NELL2: variants seen among roughly 807,000 people sequenced by gnomAD.
The protein encoded by NELL2 is protein kinase C-binding protein NELL2.
A neutral mutation model predicts 109.6 loss-of-function variants in NELL2; 41 were observed. That is an observed-to-expected ratio of 0.37 (90% CI 0.29 to 0.49). NELL2 has a LOEUF of 0.49. Among genes scored for constraint, NELL2 ranks in the 20% least tolerant of loss-of-function variants. The pLI, the probability that NELL2 is intolerant of heterozygous loss-of-function variation, is 0.98. For synonymous variants in NELL2, 355 were observed against 344.7 expected (o/e 1.03, Z -0.33); for missense variants, 900 against 1,008.3 (o/e 0.89, Z 1.45).
intron 16 of NELL2, among the ~76,000 whole-genome samples, chr12:44,527,849 T>G (rs1941855209): frequency 6.6e-6 from 1 of 151,924 alleles, no homozygotes; most frequent in African/African-American, 2.4e-5. Context: ...ATCCCAGCAC[T>G]TTGGGAGGCC....
At chr12:44,917,872 A>G (rs1316023137), upstream of NELL2, among the ~76,000 whole-genome samples, 1 of 152,238 alleles carries the variant, frequency 6.6e-6, no homozygotes, top group East Asian at 1.9e-4. Flanking sequence ...ACCTGAGGGC[A>G]GCCTCCAGAC....
chr12:44,656,576 C>T (rs950591364), intron 13 of NELL2, among the ~76,000 whole-genome samples: 3 of 152,170 alleles, frequency 2.0e-5, no homozygotes, highest in Non-Finnish European at 4.4e-5. Context: ...AAGCATTTTA[C>T]TAAAGGAAAA....
At chr12:44,759,863 C>G (rs979725919) in intron 9 of NELL2, among the ~76,000 whole-genome samples, 14 of 152,254 alleles carry the variant, frequency 9.2e-5, no homozygotes, top group Non-Finnish European at 1.8e-4. Flanking sequence ...AGTGCCACTT[C>G]CAAATTACCA....
At chr12:44,650,380 G>A (rs962795562) in intron 13 of NELL2, among the ~76,000 whole-genome samples, 1 of 149,720 alleles carries the variant, frequency 6.7e-6, no homozygotes, top group Non-Finnish European at 1.5e-5. Flanking sequence ...TGCAACCTCC[G>A]CCTCCCAGAT....
At chr12:44,807,330 TAC>T (rs3038988) in intron 3 of NELL2, among the ~76,000 whole-genome samples, 92,536 of 148,738 alleles carry the variant, frequency 0.62, 29,462 homozygotes, top group South Asian at 0.7. Flanking sequence ...TTTTGCTCTT[TAC>T]ACACACACAC....
rs892933308 is a variant in NELL2 at position 44,815,893 on chromosome 12, T to C, written c.335+93A>G. Reference sequence around the variant, plus strand: ...CGGCTTCCCAAATCATAAAGAGATATACAAGAGAAGAAAGCTTTTGTTTAC... The same window carrying C: ...CGGCTTCCCAAATCATAAAGAGATACACAAGAGAAGAAAGCTTTTGTTTAC... On this transcript the variant is annotated intron_variant, in intron 3 of 19. Coordinates refer to ENST00000429094, the MANE Select transcript of NELL2 (RefSeq NM_001145108.2). The C allele has an allele frequency of 1.7e-5, 24 of 1,402,242 alleles. No homozygotes were observed. The South Asian group carries it at 1.9e-4, about 11-fold the overall frequency. The allele number at this position is 1,402,242 out of a possible 1,614,324, so 86.9% of individuals were successfully genotyped here.
chr12:44,659,559 A>G (rs1947662680), intron 13 of NELL2, among the ~76,000 whole-genome samples: 1 of 152,228 alleles, frequency 6.6e-6, no homozygotes, highest in Non-Finnish European at 1.5e-5. Context: ...GACACTTCTC[A>G]ACAGAAGACA....
chr12:44,823,608 A>T (rs1165081250), intron 2 of NELL2, among the ~76,000 whole-genome samples: 1 of 152,172 alleles, frequency 6.6e-6, no homozygotes, highest in Non-Finnish European at 1.5e-5. Flanking sequence ...CTTTGTGTGT[A>T]TATACCAATA....
In NELL2 at chr12:44,648,730, TA is replaced by T. The variant is rs1158758110; in HGVS notation, c.1444+16753del. On this transcript the variant is annotated intron_variant, in intron 13 of 19. Coordinates refer to ENST00000429094, the MANE Select transcript of NELL2 (RefSeq NM_001145108.2). Reference sequence around the variant, plus strand: ...GCCATCATATATATATATATATATATATTTTTTTTTTTTTTTTTTTTTTGAG... The same window carrying T: ...GCCATCATATATATATATATATATATTTTTTTTTTTTTTTTTTTTTTTGAG... Among the ~76,000 whole-genome samples, 710 of 91,900 alleles carry T rather than the reference TA, an allele frequency of 7.7e-3. 3 individuals carry two copies. The highest frequency in any genetic ancestry group is 0.028 in the African/African-American group (433 of 15,624). The allele number at this position is 91,900 out of a possible 152,430, so 60.3% of individuals were successfully genotyped here.
intron 13 of NELL2, among the ~76,000 whole-genome samples, chr12:44,658,089 C>A (rs142548674): frequency 0.021 from 3,124 of 152,258 alleles, 102 homozygotes; most frequent in African/African-American, 0.071. Flanking sequence ...AATTTACACT[C>A]CCATCAACAG....
chr12:44,814,163 C>T (rs1177845409), intron 3 of NELL2, among the ~76,000 whole-genome samples: 1 of 151,982 alleles, frequency 6.6e-6, no homozygotes, highest in Non-Finnish European at 1.5e-5. Context: ...AGATGGAGGG[C>T]CCTAGCACCA....
intron 13 of NELL2, among the ~76,000 whole-genome samples, chr12:44,647,676 A>G (rs190236002): frequency 2.0e-5 from 3 of 152,320 alleles, no homozygotes; most frequent in Admixed American, 6.5e-5. Context: ...AGAAGACACA[A>G]AGAAACTTAT....
At position 44,736,004 on chromosome 12, in the gene NELL2, CTTTT is replaced by C. The variant is rs35988182; in HGVS notation, c.995-21267_995-21264del. On this transcript the variant is annotated intron_variant, in intron 9 of 19. Coordinates refer to ENST00000429094, the MANE Select transcript of NELL2 (RefSeq NM_001145108.2). ...TAAAATTAAAAACAAGCAGTTAATT[CTTTT>C]TTTTTTTTTTTTTTTTTTTTCTGAC... is the stretch of plus-strand genomic sequence containing the variant. Among the ~76,000 whole-genome samples the C allele has an allele frequency of 1.7e-3, 172 of 99,406 alleles. 2 individuals are homozygous for C. The highest frequency in any genetic ancestry group is 6.0e-3 in the African/African-American group (167 of 27,746). 65.2% of individuals were successfully genotyped at this position (99,406 alleles called of 152,430 possible).
chr12:44,750,059 T>C (rs980364980), intron 9 of NELL2, among the ~76,000 whole-genome samples: 2 of 152,140 alleles, frequency 1.3e-5, no homozygotes, highest in Admixed American at 6.6e-5. Flanking sequence ...AGAGAGTATA[T>C]ACACCAAGCT....
chr12:44,706,320 G>A (rs1473381319), intron 11 of NELL2, among the ~76,000 whole-genome samples: 2 of 152,138 alleles, frequency 1.3e-5, no homozygotes, highest in African/African-American at 4.8e-5. Flanking sequence ...CAAAATGCTA[G>A]GGTCAAAAAG....
At chr12:44,841,730 A>G (rs1944231100) in intron 2 of NELL2, among the ~76,000 whole-genome samples, 1 of 152,146 alleles carries the variant, frequency 6.6e-6, no homozygotes, top group South Asian at 2.1e-4. Context: ...CTCCTGGGCT[A>G]TAAGCTGAAC....
intron 12 of NELL2, among the ~76,000 whole-genome samples, chr12:44,702,492 G>C (rs555894827): frequency 5.3e-5 from 8 of 152,112 alleles, no homozygotes; most frequent in Non-Finnish European, 1.2e-4. Context: ...ACATGAATTT[G>C]TATCATGTAG....
chr12:44,735,427 C>T (rs1471570032), intron 9 of NELL2, among the ~76,000 whole-genome samples: 1 of 151,838 alleles, frequency 6.6e-6, no homozygotes, highest in Non-Finnish European at 1.5e-5. Flanking sequence ...GCTTGAGTCT[C>T]CCTGAAAAAC....
chr12:44,540,781 C>CAAAGAAAAAAAAA (rs1942518721), intron 15 of NELL2, among the ~76,000 whole-genome samples: 1 of 49,750 alleles, frequency 2.0e-5, no homozygotes, highest in Non-Finnish European at 3.4e-5. Flanking sequence ...GTCTGCAAGC[C>CAAAGAAAAAAAAA]AAAAAAAAAA....
Sources: gnomAD v4.1 joint callset for allele counts (sites outside exome capture counted in the v4.1 genomes callset) on GRCh38, gnomAD v4.1.1 for gene constraint, MANE v1.5 for transcripts, NCBI Gene and HGNC (gene_info 2026-07-23, HGNC 2026-07-21) for gene names.